The following DARS1 variants were observed in gnomAD, a reference collection of about 807,000 sequenced individuals.
DARS1 encodes the protein aspartate--tRNA ligase, cytoplasmic.
DARS1 carries 51 observed loss-of-function variants against 68.8 expected under a neutral mutation model. That is an observed-to-expected ratio of 0.74 (90% CI 0.59 to 0.94). The LOEUF (loss-of-function observed/expected upper bound fraction) is 0.94, where lower values mean the gene tolerates loss of function less well. Among genes scored for constraint, DARS1 ranks in the 40% least tolerant of loss-of-function variants. The pLI, the probability that DARS1 is intolerant of heterozygous loss-of-function variation, is 0.00. For synonymous variants in DARS1, 203 were observed against 190.4 expected (o/e 1.07, Z -0.55); for missense variants, 607 against 597.3 (o/e 1.02, Z -0.17).
At chr2:135,983,651 T>C (rs1031863399) in intron 1 of DARS1, among the ~76,000 whole-genome samples, 197 bp from the exon 2 acceptor site, 5 of 152,154 alleles carry the variant, frequency 3.3e-5, no homozygotes, top group Non-Finnish European at 7.3e-5. Context: ...AGAAAAGTAC[T>C]GTTTCTGGTT....
chr2:135,914,194 C>G (rs1465261804), intron 12 of DARS1, among the ~76,000 whole-genome samples: 1 of 152,164 alleles, frequency 6.6e-6, no homozygotes, highest in Non-Finnish European at 1.5e-5. Flanking sequence ...TCATTTCCAA[C>G]TAATCCGACA....
rs991029926 is a variant in DARS1 at position 135,976,938 on chromosome 2, G to A, written c.217+2336C>T. Among the ~76,000 whole-genome samples the A allele has an allele frequency of 7.9e-5, 12 of 152,136 alleles. No homozygotes were observed. The South Asian group carries it at 1.0e-3, about 13-fold the overall frequency. ...GTGAGCTACTGGACAGCAAGAACAAGACCCAGAAGACAATGCTCTATTATA... is the reference window on the plus strand; with the variant it reads ...GTGAGCTACTGGACAGCAAGAACAAAACCCAGAAGACAATGCTCTATTATA... On this transcript the variant is annotated intron_variant, in intron 3 of 15. Coordinates refer to ENST00000264161, the MANE Select transcript of DARS1 (RefSeq NM_001349.4).
intron 1 of DARS1, among the ~76,000 whole-genome samples, chr2:135,984,192 T>C (rs1682713820): frequency 6.6e-6 from 1 of 152,236 alleles, no homozygotes; most frequent in South Asian, 2.1e-4. Flanking sequence ...ACCTCTAAAA[T>C]GATCTAAGAT....
intron 7 of DARS1, among the ~76,000 whole-genome samples, chr2:135,926,183 G>T (rs1391161277): frequency 6.6e-6 from 1 of 152,112 alleles, no homozygotes; most frequent in South Asian, 2.1e-4. Flanking sequence ...GAGCCACGAC[G>T]CCTGGCCTAA....
At chr2:135,959,239 A>G (rs1682044766) in intron 4 of DARS1, among the ~76,000 whole-genome samples, 1 of 151,820 alleles carries the variant, frequency 6.6e-6, no homozygotes, top group South Asian at 2.1e-4. Context: ...TAAAAATACA[A>G]AAGTAGCTGG....
Position 135,906,589 on chromosome 2 carries a change from TA to T in DARS1, c.*726del, listed in dbSNP as rs1213371939. The T allele has an allele frequency of 6.6e-6, 1 of 152,236 alleles. No individual in the cohort carries two copies. Among genetic ancestry groups the T allele is most frequent in the Admixed American group, 6.5e-5 (1 of 15,284 alleles). The allele number at this position is 152,236 out of a possible 1,614,324, so 9.4% of individuals were successfully genotyped here. A position where few individuals can be genotyped will look rare whatever the true frequency, so the allele number is the denominator to read the frequency against. ...GACAACATATTAGTCTTTATTTATATAAACTAGTTGTGTATTTTTTCTTTTA... is the reference window on the plus strand; with the variant it reads ...GACAACATATTAGTCTTTATTTATATAACTAGTTGTGTATTTTTTCTTTTA... On this transcript the variant is annotated 3_prime_UTR_variant, in exon 16 of 16. Transcript: ENST00000264161.
At chr2:135,985,203 G>A (rs942516734) in intron 1 of DARS1, 200 bp downstream of exon 1, 4 of 814,344 alleles carry the variant, frequency 4.9e-6, no homozygotes, top group African/African-American at 1.7e-5. Context: ...ACTCCCAGGT[G>A]ACCCCCGCAA....
chr2:135,922,804 T>G lies in DARS1; in HGVS notation c.791A>C (p.Lys264Thr). 6.4e-7 allele frequency: 1 copy of G among 1,570,236 alleles called. No homozygotes were observed. Among genetic ancestry groups the G allele is most frequent in the African/African-American group, 1.4e-5 (1 of 72,510 alleles). Residue 264 changes from lysine to threonine, a missense_variant, in exon 9 of 16, where the codon AAG becomes ACG. By Grantham distance (78) the Lys-to-Thr change is moderately conservative. Transcript: ENST00000264161. ...KQMCICADFE[K>T]VFSIGPVFRA... The stretch of plus-strand genomic sequence containing the variant: ...CTTACCTGGTCCAATAGAGAAAACC[T>G]TCTCAAAATCAGCACAAATGCACAT...
chr2:135,935,848 T>C (rs1681461406), intron 5 of DARS1, among the ~76,000 whole-genome samples: 1 of 152,220 alleles, frequency 6.6e-6, no homozygotes, highest in Non-Finnish European at 1.5e-5. Flanking sequence ...TATACTCTTC[T>C]AGTTGGCAGA....
At position 135,933,936 on chromosome 2, in the gene DARS1, C is replaced by A; in HGVS notation, c.478G>T (p.Val160Phe). ...PRLPLQLDDA[V>F]RPEAEGEEEG... ...TCTTCTCCTTCTGCCTCAGGCCGAA[C>A]AGCATCATCCAGCTGCAGGGGCAGA... The change falls in exon 6 of 16, where the codon GTT becomes TTT. Residue 160 changes from valine to phenylalanine, a missense_variant. Transcript: ENST00000264161. 1.9e-6 allele frequency: 3 copies of A among 1,613,628 alleles called. No homozygotes were observed. Among genetic ancestry groups the A allele is most frequent in the South Asian group, 1.1e-5 (1 of 91,044 alleles).
chr2:135,964,423 A>C (rs1234634959), intron 3 of DARS1, among the ~76,000 whole-genome samples: 1 of 152,328 alleles, frequency 6.6e-6, no homozygotes, highest in East Asian at 1.9e-4. Flanking sequence ...ATTTTGGCCA[A>C]GTTCAAAATT....
chr2:135,922,395 A>C (rs1251394773), intron 9 of DARS1, among the ~76,000 whole-genome samples: 1 of 152,142 alleles, frequency 6.6e-6, no homozygotes, highest in East Asian at 1.9e-4. Flanking sequence ...TTCTGTTCTA[A>C]CTGCACTGAG....
chr2:135,962,843 T>C (rs1377091503), intron 3 of DARS1, among the ~76,000 whole-genome samples: 1 of 152,120 alleles, frequency 6.6e-6, no homozygotes, highest in Admixed American at 6.5e-5. Context: ...AAAATAACAT[T>C]TTCCTAGGAA....
At chr2:135,951,283 G>A (rs566602034) in intron 4 of DARS1, among the ~76,000 whole-genome samples, 13 of 152,172 alleles carry the variant, frequency 8.5e-5, no homozygotes, top group Non-Finnish European at 1.8e-4. Flanking sequence ...TTGGCCAAGT[G>A]CCATATGGGA....
At chr2:135,952,431 T>C (rs1157761854) in intron 4 of DARS1, among the ~76,000 whole-genome samples, 1 of 152,140 alleles carries the variant, frequency 6.6e-6, no homozygotes, top group African/African-American at 2.4e-5. Flanking sequence ...CTTCCCAAAT[T>C]CTCTCTTCCA....
chr2:135,939,708 T>G (rs1403332749), intron 5 of DARS1, among the ~76,000 whole-genome samples: 1 of 152,004 alleles, frequency 6.6e-6, no homozygotes, highest in African/African-American at 2.4e-5. Flanking sequence ...AAAAAATCAA[T>G]GAATCCAGGA....
intron 3 of DARS1, among the ~76,000 whole-genome samples, chr2:135,965,093 G>T (rs997888580): frequency 6.6e-6 from 1 of 151,910 alleles, no homozygotes; most frequent in Non-Finnish European, 1.5e-5. Context: ...ATAATAGACC[G>T]TATTAGATAA....
chr2:135,911,668 G>T, intron 13 of DARS1, 175 bp from the exon 14 acceptor site: 1 of 503,780 alleles, frequency 2.0e-6, no homozygotes. Flanking sequence ...CTTTTTCTTT[G>T]TTTATATCAG....
intron 4 of DARS1, among the ~76,000 whole-genome samples, chr2:135,957,933 C>T (rs2104830978): frequency 6.6e-6 from 1 of 152,190 alleles, no homozygotes; most frequent in Admixed American, 6.5e-5. Flanking sequence ...TTTAATTTCA[C>T]TAAAACTAAA....
Sources: allele counts gnomAD v4.1 joint callset (sites outside exome capture counted in the v4.1 genomes callset), GRCh38; gene constraint gnomAD v4.1.1; transcripts MANE v1.5; gene names NCBI Gene and HGNC (gene_info 2026-07-23, HGNC 2026-07-21).